The following EFHC1 variants were observed in gnomAD, a reference collection of about 807,000 sequenced individuals.
EFHC1 encodes EF-hand domain-containing protein 1.
In EFHC1, 53 loss-of-function variants were observed where a neutral mutation model predicts 69.9. That is an observed-to-expected ratio of 0.76 (90% confidence interval 0.61 to 0.95). EFHC1 has a LOEUF of 0.95. Ranked by LOEUF, EFHC1 falls within the 40% of genes least tolerant of loss-of-function variation. The probability of loss-of-function intolerance (pLI) is 0.00; values close to 1 mark genes in which losing one functional copy is unlikely to be tolerated. For missense variants in EFHC1, 739 were observed against 798.7 expected (o/e 0.93, Z 0.90); for synonymous variants, 256 against 278.4 (o/e 0.92, Z 0.80).
In EFHC1 at chr6:52,479,033, G is replaced by A. The variant is rs372831217; in HGVS notation, c.1279-4G>A. The A allele has an allele frequency of 2.5e-6, 4 of 1,612,920 alleles. No homozygotes were observed. The highest frequency in any genetic ancestry group is 2.5e-6 in the Non-Finnish European group (3 of 1,179,804). ...ATAATATCCTCTTTTCTTCACCTTT[G>A]TAGGAATCCCCCATCCCAGAAGACA... On this transcript the variant is annotated splice_region_variant and splice_polypyrimidine_tract_variant and intron_variant, in intron 7 of 10. Coordinates refer to ENST00000371068, the MANE Select transcript of EFHC1 (RefSeq NM_018100.4).
At chr6:52,459,389 A>T (rs977404402) in intron 5 of EFHC1, among the ~76,000 whole-genome samples, 1 of 152,214 alleles carries the variant, frequency 6.6e-6, no homozygotes, top group African/African-American at 2.4e-5. Flanking sequence ...CCAAATAAAA[A>T]ATAGGTAAAG....
chr6:52,438,271 G>A lies in EFHC1; in HGVS notation c.286-33G>A, dbSNP rs200533701. Reference sequence around the variant, plus strand: ...TTCAGATGACTATGACAAGCTAATAGTACACCATTTCTCCTTTCCTTGTAT... The same window carrying A: ...TTCAGATGACTATGACAAGCTAATAATACACCATTTCTCCTTTCCTTGTAT... On this transcript the variant is annotated intron_variant, in intron 2 of 10. Coordinates refer to ENST00000371068, the MANE Select transcript of EFHC1 (RefSeq NM_018100.4). 9.8e-4 allele frequency: 1,572 copies of A among 1,599,214 alleles called. 29 individuals carry two copies. The South Asian group carries it at 0.015, about 15-fold the overall frequency.
At position 52,493,348 on chromosome 6, in the gene EFHC1, C is replaced by CTT. The variant is rs1765953694; in HGVS notation, c.*1008_*1009insTT. On this transcript the variant is annotated 3_prime_UTR_variant, in exon 11 of 11. Transcript: ENST00000371068. ...TGTGTGAGCAATTTCTTATAACTCT[C>CTT]TCTTTCTCTCTCTCTACATATATAT... is the stretch of plus-strand genomic sequence containing the variant. 1 of 297,524 alleles carries CTT rather than the reference C, an allele frequency of 3.4e-6. No individual in the cohort carries two copies. Among genetic ancestry groups the CTT allele is most frequent in the African/African-American group, 4.1e-5 (1 of 24,232 alleles). The allele number at this position is 297,524 out of a possible 1,614,324, so 18.4% of individuals were successfully genotyped here. A position where few individuals can be genotyped will look rare whatever the true frequency, so the allele number is the denominator to read the frequency against.
At chr6:52,440,871 T>G (rs567961183) in intron 3 of EFHC1, among the ~76,000 whole-genome samples, 3 of 152,330 alleles carry the variant, frequency 2.0e-5, no homozygotes, top group Admixed American at 6.5e-5. Context: ...TTGATTTGCA[T>G]TTCTCTAATG....
intron 2 of EFHC1, 116 bp from the exon 3 acceptor site, chr6:52,438,188 G>A: frequency 1.0e-6 from 1 of 972,674 alleles, no homozygotes; most frequent in South Asian, 1.4e-5. Flanking sequence ...CAGGATAGAA[G>A]TGATGAGTGT....
At chr6:52,448,619 A>G (rs997084603) in intron 3 of EFHC1, among the ~76,000 whole-genome samples, 3 of 152,104 alleles carry the variant, frequency 2.0e-5, no homozygotes, top group African/African-American at 7.2e-5. Flanking sequence ...TGCAGAAATC[A>G]CCCGTCTTCT....
intron 2 of EFHC1, among the ~76,000 whole-genome samples, chr6:52,429,602 A>G (rs1764374572): frequency 6.6e-6 from 1 of 152,126 alleles, no homozygotes; most frequent in African/African-American, 2.4e-5. Flanking sequence ...ATGGTCTTAT[A>G]GTATAGTTTG....
chr6:52,461,712 CATACTT>C (rs1473393174), intron 5 of EFHC1, among the ~76,000 whole-genome samples: 3 of 151,956 alleles, frequency 2.0e-5, no homozygotes, highest in African/African-American at 7.3e-5. Context: ...TTTTTAAAAA[CATACTT>C]AAGATATAGG....
chr6:52,468,043 G>A (rs746968915), intron 6 of EFHC1, among the ~76,000 whole-genome samples: 14 of 152,214 alleles, frequency 9.2e-5, no homozygotes, highest in Non-Finnish European at 1.8e-4. Flanking sequence ...TTCTCTGCTA[G>A]ATCAGGAATA....
intron 9 of EFHC1, 112 bp downstream of exon 9, chr6:52,479,899 G>A: frequency 6.7e-7 from 1 of 1,497,934 alleles, no homozygotes; most frequent in Non-Finnish European, 9.0e-7. Context: ...CACCAGGTGG[G>A]AATTATTAGA....
chr6:52,435,482 A>G (rs1764511931), intron 2 of EFHC1, among the ~76,000 whole-genome samples: 1 of 152,134 alleles, frequency 6.6e-6, no homozygotes, highest in African/African-American at 2.4e-5. Context: ...CCATACCCAA[A>G]TTATCTTCTC....
intron 5 of EFHC1, among the ~76,000 whole-genome samples, chr6:52,459,760 C>A (rs995797302): frequency 6.6e-6 from 1 of 152,116 alleles, no homozygotes; most frequent in African/African-American, 2.4e-5. Context: ...CTGCAAGCTC[C>A]GCCTCCCAGG....
intron 3 of EFHC1, among the ~76,000 whole-genome samples, chr6:52,452,318 T>G (rs1764932451): frequency 6.6e-6 from 1 of 152,192 alleles, no homozygotes; most frequent in Admixed American, 6.5e-5. Context: ...TTTTTCTTTA[T>G]TTGAGGCGGG....
intron 9 of EFHC1, 126 bp downstream of exon 9, chr6:52,479,913 A>G: frequency 2.1e-6 from 3 of 1,431,434 alleles, no homozygotes; most frequent in Non-Finnish European, 2.9e-6. Flanking sequence ...TATTAGATAT[A>G]AACAGAAGGT....
chr6:52,441,059 A>G (rs1207949387), intron 3 of EFHC1, among the ~76,000 whole-genome samples: 1 of 150,280 alleles, frequency 6.7e-6, no homozygotes, highest in Non-Finnish European at 1.5e-5. Flanking sequence ...ATAGTTTGCA[A>G]ATATTTCTTT....
At chr6:52,426,994 A>G (rs1231396168) in intron 2 of EFHC1, among the ~76,000 whole-genome samples, 7 of 152,192 alleles carry the variant, frequency 4.6e-5, no homozygotes, top group Non-Finnish European at 1.0e-4. Flanking sequence ...TACAGTAAAC[A>G]TTACCACCAT....
rs1311435519 is a variant in EFHC1 at position 52,496,796 on chromosome 6, ACCTCAAGCAAACATTT to A, written c.*4460_*4475del. Reference sequence around the variant, plus strand: ...CCATGCATCAGAACCACTCACCTTCACCTCAAGCAAACATTTCCTCTTTCTCACACCCCATGGGTGT... The same window carrying A: ...CCATGCATCAGAACCACTCACCTTCACCTCTTTCTCACACCCCATGGGTGT... On this transcript the variant is annotated 3_prime_UTR_variant, in exon 11 of 11. Transcript: ENST00000371068. 3 of 152,076 alleles carry A rather than the reference ACCTCAAGCAAACATTT, an allele frequency of 2.0e-5. No homozygotes were observed. The highest frequency in any genetic ancestry group is 2.0e-4 in the Admixed American group (3 of 15,264). The allele number at this position is 152,076 out of a possible 1,614,324, so 9.4% of individuals were successfully genotyped here. A position where few individuals can be genotyped will look rare whatever the true frequency, so the allele number is the denominator to read the frequency against.
chr6:52,469,555 A>G (rs1765389735), intron 7 of EFHC1, 82 bp downstream of exon 7: 3 of 1,582,544 alleles, frequency 1.9e-6, no homozygotes, highest in Non-Finnish European at 2.6e-6. Flanking sequence ...TAAGCTGTAG[A>G]TTAACAGCTG....
intron 7 of EFHC1, among the ~76,000 whole-genome samples, chr6:52,476,466 A>G (rs1765547684): frequency 6.6e-6 from 1 of 152,240 alleles, no homozygotes; most frequent in Non-Finnish European, 1.5e-5. Flanking sequence ...CAGGATTCCC[A>G]TAATCTCAAA....
Sources: allele counts gnomAD v4.1 joint callset (sites outside exome capture counted in the v4.1 genomes callset), GRCh38; gene constraint gnomAD v4.1.1; transcripts MANE v1.5; gene names NCBI Gene and HGNC (gene_info 2026-07-23, HGNC 2026-07-21).